The following SYCP2 variants were observed in gnomAD, a reference collection of about 807,000 sequenced individuals.
SYCP2 encodes the protein synaptonemal complex protein 2.
A neutral mutation model predicts 211.3 loss-of-function variants in SYCP2; 55 were observed. The ratio of observed to expected loss-of-function variants is 0.26; its 90% CI spans 0.21 to 0.33. The LOEUF (loss-of-function observed/expected upper bound fraction) is 0.33. Among genes scored for constraint, SYCP2 ranks in the 10% least tolerant of loss-of-function variants. The pLI is 1.00. For synonymous variants in SYCP2, 570 were observed against 555.2 expected, an observed-to-expected ratio of 1.03 and a Z score of -0.37; for missense variants, 1,731 against 1,752.0, an observed-to-expected ratio of 0.99 and a Z score of 0.21.
chr20:59,891,019 TA>T (rs2059896643), intron 24 of SYCP2, among the ~76,000 whole-genome samples: 1 of 151,844 alleles, frequency 6.6e-6, no homozygotes, highest in Non-Finnish European at 1.5e-5. Context: ...GCTGCAGGTG[TA>T]AAAAATATTT....
intron 34 of SYCP2, 137 bp downstream of exon 34, chr20:59,875,134 T>C (rs2059530822): frequency 3.7e-6 from 2 of 541,072 alleles, no homozygotes; most frequent in Non-Finnish European, 6.3e-6. Flanking sequence ...CTAGCATTAA[T>C]TAGCTTAACA....
intron 20 of SYCP2, among the ~76,000 whole-genome samples, 194 bp downstream of exon 20, chr20:59,895,243 C>T (rs1053313954): frequency 2.6e-5 from 4 of 151,968 alleles, no homozygotes; most frequent in African/African-American, 9.7e-5. Flanking sequence ...ATATTCATAA[C>T]TTTTATTGTA....
intron 16 of SYCP2, 142 bp from the exon 17 acceptor site, chr20:59,900,960 T>A: frequency 1.5e-6 from 1 of 645,590 alleles, no homozygotes; most frequent in East Asian, 2.7e-5. Context: ...ACTTTGCATA[T>A]ATGAATACCT....
intron 24 of SYCP2, among the ~76,000 whole-genome samples, chr20:59,890,210 A>T (rs2059877878): frequency 6.6e-6 from 1 of 152,204 alleles, no homozygotes; most frequent in African/African-American, 2.4e-5. Flanking sequence ...ATGGAATACT[A>T]TGCAGCCATA....
chr20:59,870,101 A>T (rs2059422266), intron 35 of SYCP2, 118 bp from the exon 36 acceptor site: 2 of 608,058 alleles, frequency 3.3e-6, no homozygotes. Context: ...CTACTAATTC[A>T]CTGCAAAAAT....
chr20:59,866,730 T>C, intron 39 of SYCP2, 141 bp from the exon 40 acceptor site: 1 of 618,092 alleles, frequency 1.6e-6, no homozygotes, highest in Admixed American at 3.2e-5. Flanking sequence ...AACTCAGTTA[T>C]TTAAACTGAA....
At chr20:59,866,040 ATG>A (rs200573406) in intron 41 of SYCP2, among the ~76,000 whole-genome samples, 175 bp from the exon 42 acceptor site, 3,014 of 151,912 alleles carry the variant, frequency 0.02, 124 homozygotes, top group African/African-American at 0.068. Context: ...CAGATGTCAT[ATG>A]CTCTTTCAAA....
intron 14 of SYCP2, among the ~76,000 whole-genome samples, chr20:59,907,625 C>T (rs892505261): frequency 3.3e-5 from 5 of 152,060 alleles, no homozygotes; most frequent in South Asian, 4.1e-4. Flanking sequence ...ATTATTAAAA[C>T]GAAATGATGA....
chr20:59,905,849 A>C (rs2060203962), intron 15 of SYCP2, among the ~76,000 whole-genome samples: 2 of 152,178 alleles, frequency 1.3e-5, no homozygotes, highest in African/African-American at 2.4e-5. Context: ...GCTTCTATTC[A>C]ACATTGCACT....
Position 59,896,499 on chromosome 20 carries a change from A to G in SYCP2, c.1434T>C (p.Ser478=), listed in dbSNP as rs555435833. 154 of 1,610,474 alleles carry G rather than the reference A, an allele frequency of 9.6e-5. No homozygotes were observed. In the South Asian group the frequency reaches 1.5e-3, roughly 16 times the overall value. Residue 478 remains serine, a synonymous_variant, in exon 19 of 45, where the codon TCT becomes TCC. Transcript: ENST00000357552. ...EKTTPSKRKM[S]EASMIVSGAD... is the part of the protein sequence containing the mutation. ...CACCAGAAACAATCATTGATGCTTC[A>G]GACATTTTTCTTTTGCTAGGAGTAG... is the stretch of plus-strand genomic sequence containing the variant.
rs1184154648 is a variant in SYCP2, at chr20:59,900,122, T to C, written c.1404+16A>G. On this transcript the variant is annotated intron_variant, in intron 18 of 44. Transcript: ENST00000357552. ...AATGGTAGTTTTATAAGCCAGTATT[T>C]TGACACCATCTTTACCTCAAGCTGA... 6.2e-6 allele frequency: 10 copies of C among 1,612,178 alleles called. No homozygotes were observed. Among genetic ancestry groups the C allele is most frequent in the East Asian group, 4.5e-5 (2 of 44,766 alleles).
At chr20:59,870,586 A>C (rs921070850) in intron 35 of SYCP2, among the ~76,000 whole-genome samples, 1 of 151,684 alleles carries the variant, frequency 6.6e-6, no homozygotes, top group African/African-American at 2.4e-5. Flanking sequence ...TGTGTAGATA[A>C]GAAAGATCAA....
At chr20:59,918,830 A>G (rs960445650) in intron 7 of SYCP2, among the ~76,000 whole-genome samples, 1 of 152,176 alleles carries the variant, frequency 6.6e-6, no homozygotes, top group East Asian at 1.9e-4. Flanking sequence ...TTCTCTCGCA[A>G]AAAGAATGCA....
intron 2 of SYCP2, among the ~76,000 whole-genome samples, chr20:59,928,388 C>A (rs900292882): frequency 3.9e-5 from 6 of 152,074 alleles, no homozygotes; most frequent in Non-Finnish European, 8.8e-5. Flanking sequence ...ACCATCAATG[C>A]TTCACTAAAA....
chr20:59,912,912 C>T (rs888598413), intron 12 of SYCP2, among the ~76,000 whole-genome samples: 6 of 152,218 alleles, frequency 3.9e-5, no homozygotes, highest in African/African-American at 1.4e-4. Context: ...TAAGATGGGA[C>T]TTGCTCCTCC....
At chr20:59,904,747 GATTT>G (rs1568959183) in intron 15 of SYCP2, among the ~76,000 whole-genome samples, 2 of 152,118 alleles carry the variant, frequency 1.3e-5, no homozygotes, top group Admixed American at 6.6e-5. Context: ...TATAAAAAAA[GATTT>G]ATTTGGCTCA....
chr20:59,919,435 T>C (rs1292231704), intron 6 of SYCP2, 58 bp downstream of exon 6: 2 of 1,304,292 alleles, frequency 1.5e-6, no homozygotes, highest in Non-Finnish European at 2.2e-6. Flanking sequence ...AGAACACAAA[T>C]TGTTTTTTAA....
At chr20:59,879,884 TATAA>T (rs1241512137) in intron 31 of SYCP2, among the ~76,000 whole-genome samples, 3 of 143,956 alleles carry the variant, frequency 2.1e-5, no homozygotes, top group East Asian at 4.0e-4. Context: ...CACACAAACA[TATAA>T]ATATATTTAT....
chr20:59,865,911 CTAAAA>C (rs769388060), intron 41 of SYCP2, 46 bp from the exon 42 acceptor site: 48 of 856,010 alleles, frequency 5.6e-5, no homozygotes, highest in Non-Finnish European at 7.4e-5. Flanking sequence ...TATTTTAGTC[CTAAAA>C]TAAAATCCAG....
Sources: gnomAD v4.1 joint callset for allele counts (sites outside exome capture counted in the v4.1 genomes callset) on GRCh38, gnomAD v4.1.1 for gene constraint, MANE v1.5 for transcripts, NCBI Gene and HGNC (gene_info 2026-07-23, HGNC 2026-07-21) for gene names.